Variants in AGBL4 observed in about 807,000 individuals in gnomAD.
The protein encoded by AGBL4 is AGBL carboxypeptidase 4.
A neutral mutation model predicts 66.4 loss-of-function variants in AGBL4; 58 were observed. The observed-to-expected ratio is 0.87, with a 90% confidence interval of 0.71 to 1.09. The LOEUF (loss-of-function observed/expected upper bound fraction) is 1.09. Among genes scored for constraint, AGBL4 ranks in the 50% least tolerant of loss-of-function variants. The pLI, the probability that AGBL4 is intolerant of heterozygous loss-of-function variation, is 0.00. For synonymous variants in AGBL4, 234 were observed against 222.9 expected (o/e 1.05, Z -0.44); for missense variants, 579 against 631.0 (o/e 0.92, Z 0.88).
rs372123925 is a variant in AGBL4 at position 49,789,749 on chromosome 1, T to A, written c.157+61647A>T. Among the ~76,000 whole-genome samples the A allele has an allele frequency of 3.3e-4, 50 of 152,220 alleles. 1 individual carries two copies. In the South Asian group the frequency reaches 9.5e-3, roughly 29 times the overall value. ...ACAATCAGTATCATGAAAATGGCCA[T>A]ACAGAACAAAGTAATTTATAGATTC... On this transcript the variant is annotated intron_variant, in intron 2 of 13. Coordinates refer to ENST00000371839, the MANE Select transcript of AGBL4 (RefSeq NM_032785.4).
intron 3 of AGBL4, among the ~76,000 whole-genome samples, chr1:49,530,820 C>A (rs961039573): frequency 6.6e-6 from 1 of 151,946 alleles, no homozygotes; most frequent in African/African-American, 2.4e-5. Flanking sequence ...AGAATATAAG[C>A]CCTAGTGTTA....
intron 2 of AGBL4, among the ~76,000 whole-genome samples, chr1:49,746,926 A>G (rs879083273): frequency 6.6e-6 from 1 of 152,174 alleles, no homozygotes; most frequent in Non-Finnish European, 1.5e-5. Flanking sequence ...TGAGTTTATC[A>G]TGCCCATAAG....
At chr1:48,994,808 T>C (rs1456469360) in intron 5 of AGBL4, among the ~76,000 whole-genome samples, 1 of 152,164 alleles carries the variant, frequency 6.6e-6, no homozygotes, top group Non-Finnish European at 1.5e-5. Context: ...ATACAAAAGC[T>C]CTCAGTAGAT....
At chr1:48,791,864 A>C (rs114527119) in intron 6 of AGBL4, among the ~76,000 whole-genome samples, 1,551 of 152,342 alleles carry the variant, frequency 0.01, 14 homozygotes, top group Non-Finnish European at 0.017. Flanking sequence ...TCATTCAAAA[A>C]ACATTTCCCG....
chr1:48,827,095 CT>C (rs1321838226), intron 6 of AGBL4, among the ~76,000 whole-genome samples: 9 of 152,144 alleles, frequency 5.9e-5, no homozygotes, highest in African/African-American at 9.7e-5. Context: ...GAAATTACCC[CT>C]GATTTCTTAA....
At chr1:49,051,952 G>A (rs1045937580) in intron 4 of AGBL4, among the ~76,000 whole-genome samples, 24 of 152,094 alleles carry the variant, frequency 1.6e-4, no homozygotes, top group African/African-American at 5.1e-4. Flanking sequence ...GGTGGGAGGA[G>A]AGAGACAGTG....
At chr1:48,949,982 T>A (rs1384657908) in intron 5 of AGBL4, among the ~76,000 whole-genome samples, 3 of 152,214 alleles carry the variant, frequency 2.0e-5, no homozygotes, top group African/African-American at 7.2e-5. Context: ...AAAATAAAGC[T>A]GCTTTTATGA....
At chr1:48,899,191 G>C (rs537433382) in intron 5 of AGBL4, among the ~76,000 whole-genome samples, 19 of 152,224 alleles carry the variant, frequency 1.2e-4, no homozygotes, top group Non-Finnish European at 2.2e-4. Flanking sequence ...TGTAGCCGTG[G>C]GCAGGCGGCT....
chr1:49,181,170 C>T (rs746734705), intron 4 of AGBL4, among the ~76,000 whole-genome samples: 1 of 151,226 alleles, frequency 6.6e-6, no homozygotes, highest in Non-Finnish European at 1.5e-5. Context: ...GCACTTTCTG[C>T]TCCTGTAAGG....
intron 4 of AGBL4, among the ~76,000 whole-genome samples, chr1:49,139,378 C>T (rs986922279): frequency 5.3e-5 from 8 of 152,174 alleles, no homozygotes; most frequent in African/African-American, 7.2e-5. Flanking sequence ...TTTATTCATT[C>T]ATCCATCTAC....
At chr1:48,943,125 C>A (rs1363969995) in intron 5 of AGBL4, among the ~76,000 whole-genome samples, 1 of 152,126 alleles carries the variant, frequency 6.6e-6, no homozygotes, top group Non-Finnish European at 1.5e-5. Context: ...GTACAGTAAA[C>A]AAACTCATAA....
chr1:49,352,619 T>G (rs1643934665), intron 3 of AGBL4, among the ~76,000 whole-genome samples: 1 of 152,040 alleles, frequency 6.6e-6, no homozygotes, highest in Admixed American at 6.5e-5. Flanking sequence ...GCCTCCAGCC[T>G]CTGGAGACAG....
chr1:48,888,708 T>G (rs1388220183), intron 5 of AGBL4, among the ~76,000 whole-genome samples: 1 of 152,184 alleles, frequency 6.6e-6, no homozygotes, highest in Non-Finnish European at 1.5e-5. Context: ...CAGTTAGTTC[T>G]TTATAGCAAT....
chr1:49,295,705 C>T (rs1644630461), intron 3 of AGBL4, among the ~76,000 whole-genome samples: 1 of 152,142 alleles, frequency 6.6e-6, no homozygotes, highest in Non-Finnish European at 1.5e-5. Context: ...TAAGGAGCTT[C>T]TGTGACTCTC....
intron 1 of AGBL4, among the ~76,000 whole-genome samples, chr1:49,908,594 A>T (rs1650505873): frequency 6.6e-6 from 1 of 152,064 alleles, no homozygotes; most frequent in Admixed American, 6.6e-5. Context: ...TTTTCTTTAT[A>T]AATTACCCAT....
intron 4 of AGBL4, among the ~76,000 whole-genome samples, chr1:49,054,399 A>G (rs1644273397): frequency 6.6e-6 from 1 of 152,060 alleles, no homozygotes; most frequent in African/African-American, 2.4e-5. Flanking sequence ...AAAGTTAAAC[A>G]TTAAAGAAAA....
intron 4 of AGBL4, among the ~76,000 whole-genome samples, chr1:49,061,463 G>T (rs954603725): frequency 1.3e-5 from 2 of 152,142 alleles, no homozygotes; most frequent in African/African-American, 4.8e-5. Flanking sequence ...GGGATGGCAG[G>T]CTATCAGGTA....
intron 3 of AGBL4, among the ~76,000 whole-genome samples, chr1:49,594,561 C>T (rs1644815287): frequency 6.6e-6 from 1 of 152,146 alleles, no homozygotes; most frequent in Non-Finnish European, 1.5e-5. Flanking sequence ...GTTACCCTCC[C>T]TGTGTCCATG....
chr1:49,567,470 C>G (rs1644235928), intron 3 of AGBL4, among the ~76,000 whole-genome samples: 1 of 152,108 alleles, frequency 6.6e-6, no homozygotes, highest in African/African-American at 2.4e-5. Flanking sequence ...TTTATATGAA[C>G]AGTGATAATT....
Sources: allele counts gnomAD v4.1 joint callset (sites outside exome capture counted in the v4.1 genomes callset), GRCh38; gene constraint gnomAD v4.1.1; transcripts MANE v1.5; gene names NCBI Gene and HGNC (gene_info 2026-07-23, HGNC 2026-07-21).